The following ST18 variants were observed in gnomAD, a reference collection of about 807,000 sequenced individuals.
The protein encoded by ST18 is ST18 C2H2C-type zinc finger transcription factor.
ST18 carries 50 observed loss-of-function variants against 110.0 expected under a neutral mutation model. The observed-to-expected ratio is 0.45, with a 90% CI of 0.36 to 0.58. The LOEUF is 0.58. Ranked by LOEUF, ST18 falls within the 20% of genes least tolerant of loss-of-function variation. The pLI is 0.00. For synonymous variants in ST18, 461 were observed against 452.4 expected, an observed-to-expected ratio of 1.02 and a Z score of -0.24; for missense variants, 1,306 against 1,280.1, an observed-to-expected ratio of 1.02 and a Z score of -0.31.
intron 8 of ST18, among the ~76,000 whole-genome samples, chr8:52,192,379 T>G (rs1450202777): frequency 6.6e-6 from 1 of 152,228 alleles, no homozygotes; most frequent in Non-Finnish European, 1.5e-5. Context: ...CCTGAGGTCA[T>G]GCAGAGTGTC....
intron 8 of ST18, among the ~76,000 whole-genome samples, chr8:52,182,055 T>C (rs1175166588): frequency 6.6e-6 from 1 of 152,032 alleles, no homozygotes; most frequent in Non-Finnish European, 1.5e-5. Context: ...CCTTGCAAAA[T>C]ATAAAACTAA....
intron 2 of ST18, among the ~76,000 whole-genome samples, chr8:52,291,937 G>A (rs369578027): frequency 2.0e-5 from 3 of 152,048 alleles, no homozygotes; most frequent in Admixed American, 2.0e-4. Context: ...CATCACACCC[G>A]GCTAATTTTT....
At chr8:52,213,857 T>A (rs2083103911) in intron 7 of ST18, among the ~76,000 whole-genome samples, 1 of 152,200 alleles carries the variant, frequency 6.6e-6, no homozygotes, top group Non-Finnish European at 1.5e-5. Flanking sequence ...AACAATTCTG[T>A]CTTTTCCCTT....
intron 16 of ST18, among the ~76,000 whole-genome samples, chr8:52,144,295 C>T (rs2056407153): frequency 6.6e-6 from 1 of 151,722 alleles, no homozygotes; most frequent in Admixed American, 6.6e-5. Flanking sequence ...TACTGATGTA[C>T]TTAAGGTAAG....
intron 8 of ST18, among the ~76,000 whole-genome samples, chr8:52,211,308 A>G (rs917000064): frequency 6.6e-6 from 1 of 151,740 alleles, no homozygotes; most frequent in South Asian, 2.1e-4. Flanking sequence ...GAATCCACTC[A>G]AAAAAACTAT....
At chr8:52,209,627 C>T (rs994593934) in intron 8 of ST18, among the ~76,000 whole-genome samples, 5 of 151,394 alleles carry the variant, frequency 3.3e-5, no homozygotes, top group African/African-American at 9.7e-5. Flanking sequence ...AAAATTAGCC[C>T]GGCATGGTGG....
chr8:52,383,554 T>C (rs1010353572), intron 2 of ST18, among the ~76,000 whole-genome samples: 3 of 151,500 alleles, frequency 2.0e-5, no homozygotes, highest in African/African-American at 7.3e-5. Flanking sequence ...GTTCAACCAA[T>C]TCTCCTGCCT....
chr8:52,376,320 T>A (rs1832358040), intron 2 of ST18, among the ~76,000 whole-genome samples: 1 of 152,118 alleles, frequency 6.6e-6, no homozygotes, highest in Admixed American at 6.6e-5. Flanking sequence ...ACGGGATCCT[T>A]TTCTGAACAC....
chr8:52,126,891 C>T (rs1026109408), intron 22 of ST18, among the ~76,000 whole-genome samples: 2 of 152,158 alleles, frequency 1.3e-5, no homozygotes, highest in Admixed American at 1.3e-4. Context: ...TTAAATTGCA[C>T]CAGCATGATA....
intron 2 of ST18, among the ~76,000 whole-genome samples, chr8:52,332,279 C>G (rs1235389283): frequency 6.6e-6 from 1 of 151,822 alleles, no homozygotes; most frequent in Non-Finnish European, 1.5e-5. Flanking sequence ...GAGCATCATC[C>G]CACTTATGCT....
chr8:52,130,931 T>C (rs2049324950), intron 22 of ST18, among the ~76,000 whole-genome samples: 1 of 152,238 alleles, frequency 6.6e-6, no homozygotes, highest in African/African-American at 2.4e-5. Context: ...CTGAAGTTCC[T>C]GAATATGAAA....
At chr8:52,206,246 T>C (rs1440393222) in intron 8 of ST18, among the ~76,000 whole-genome samples, 1 of 152,210 alleles carries the variant, frequency 6.6e-6, no homozygotes, top group East Asian at 1.9e-4. Flanking sequence ...CTGTGCACAT[T>C]GTTCCCACAA....
chr8:52,336,451 G>A (rs1244215870), intron 2 of ST18, among the ~76,000 whole-genome samples: 5 of 152,108 alleles, frequency 3.3e-5, no homozygotes, highest in African/African-American at 1.2e-4. Flanking sequence ...ACACCAGCCT[G>A]CTTCTTGGAT....
chr8:52,328,843 T>C (rs1480262542), intron 2 of ST18, among the ~76,000 whole-genome samples: 1 of 152,198 alleles, frequency 6.6e-6, no homozygotes, highest in Non-Finnish European at 1.5e-5. Context: ...GGCCCACTGC[T>C]GATAAACGGG....
intron 15 of ST18, among the ~76,000 whole-genome samples, chr8:52,152,631 T>C (rs2132634976): frequency 6.6e-6 from 1 of 152,350 alleles, no homozygotes; most frequent in African/African-American, 2.4e-5. Context: ...TAAGACACTA[T>C]ATTCTAGGGA....
At position 52,307,623 on chromosome 8, in the gene ST18, T is replaced by C. The variant is rs534366258; in HGVS notation, c.-464-77546A>G. Among the ~76,000 whole-genome samples the C allele has an allele frequency of 7.2e-5, 11 of 152,324 alleles. No individual in the cohort carries two copies. The East Asian group carries it at 1.2e-3, about 16-fold the overall frequency. On this transcript the variant is annotated intron_variant, in intron 2 of 25. Transcript: ENST00000689386. ...TTTAGAAAAAGTAAGAAAAATCATC[T>C]CTTATCTTAGCAACCAAATAATCCC...
intron 19 of ST18, among the ~76,000 whole-genome samples, chr8:52,135,655 T>C (rs1252339027): frequency 2.6e-5 from 4 of 151,606 alleles, no homozygotes; most frequent in Non-Finnish European, 4.4e-5. Context: ...TTTATTTTAC[T>C]ACTTTTGGTA....
At chr8:52,325,135 G>C (rs1805712471) in intron 2 of ST18, among the ~76,000 whole-genome samples, 1 of 152,178 alleles carries the variant, frequency 6.6e-6, no homozygotes, top group African/African-American at 2.4e-5. Flanking sequence ...CAAAGAAACA[G>C]GGAGAGAGGG....
intron 2 of ST18, among the ~76,000 whole-genome samples, chr8:52,244,492 C>T (rs995905340): frequency 1.3e-5 from 2 of 152,078 alleles, no homozygotes; most frequent in Non-Finnish European, 2.9e-5. Flanking sequence ...GCTATAATCC[C>T]TAGGAAAAAA....
Sources: allele counts gnomAD v4.1 joint callset (sites outside exome capture counted in the v4.1 genomes callset), GRCh38; gene constraint gnomAD v4.1.1; transcripts MANE v1.5; gene names NCBI Gene and HGNC (gene_info 2026-07-23, HGNC 2026-07-21).